FANCB: variants seen among roughly 807,000 people sequenced by gnomAD.
FANCB encodes FA complementation group B, also known as Fanconi anemia group B protein.
Under a neutral mutation model 38.9 loss-of-function variants are expected in FANCB, and 5 were observed. The observed-to-expected ratio is 0.13, with a 90% CI of 0.07 to 0.27. The LOEUF is 0.27. FANCB is among the 10% of genes least tolerant of loss of function. The pLI is 1.00. For missense variants in FANCB, 573 were observed against 602.7 expected, an observed-to-expected ratio of 0.95 and a Z score of 0.52; for synonymous variants, 236 against 215.4, an observed-to-expected ratio of 1.10 and a Z score of -0.84.
chrX:14,700,255 C>T, the FANCB span, among the ~76,000 whole-genome samples: 6 of 110,741 alleles, frequency 5.4e-5, no homozygotes, highest in East Asian at 1.1e-3. Context: ...TAAGATTACC[C>T]AGCAGGAGTG....
the FANCB span, among the ~76,000 whole-genome samples, chrX:14,700,536 A>T: frequency 8.9e-6 from 1 of 111,873 alleles, no homozygotes; most frequent in African/African-American, 3.3e-5. Context: ...AATTCATAGT[A>T]TCTAAAGATG....
chrX:14,794,330 T>C, the FANCB span, among the ~76,000 whole-genome samples: 1 of 111,484 alleles, frequency 9.0e-6, no homozygotes, highest in Admixed American at 9.6e-5. Context: ...GTGGCTGTGA[T>C]GTTGCTATTA....
the FANCB span, among the ~76,000 whole-genome samples, chrX:14,713,009 A>T: frequency 4.5e-5 from 5 of 112,210 alleles, no homozygotes; most frequent in Non-Finnish European, 7.5e-5. Flanking sequence ...CCTTAGGCAG[A>T]TGCCTAAGGA....
chrX:14,706,504 AAATTT>A, the FANCB span, among the ~76,000 whole-genome samples: 1 of 112,399 alleles, frequency 8.9e-6, no homozygotes, highest in African/African-American at 3.2e-5. Context: ...GTTTTGCACT[AAATTT>A]TATTTTTAAT....
chrX:14,728,517 T>C, the FANCB span, among the ~76,000 whole-genome samples: 1 of 112,143 alleles, frequency 8.9e-6, no homozygotes, highest in Non-Finnish European at 1.9e-5. Context: ...TTCCTAGAGA[T>C]CAAATTTACA....
At chrX:14,721,687 T>C in the FANCB span, among the ~76,000 whole-genome samples, 2 of 111,587 alleles carry the variant, frequency 1.8e-5, no homozygotes, top group East Asian at 5.6e-4. Context: ...AGGCCTGTTC[T>C]GATTTGAGGA....
chrX:14,702,982 G>C, the FANCB span, among the ~76,000 whole-genome samples: 1 of 111,327 alleles, frequency 9.0e-6, no homozygotes, highest in African/African-American at 3.3e-5. Flanking sequence ...TGCACAGTGG[G>C]GGAGCCTCTG....
At chrX:14,713,989 G>A in the FANCB span, among the ~76,000 whole-genome samples, 1 of 111,515 alleles carries the variant, frequency 9.0e-6, no homozygotes, top group Non-Finnish European at 1.9e-5. Flanking sequence ...TAATTCTGGT[G>A]GGAATTATCC....
intron 5 of FANCB, 139 bp downstream of exon 5, chrX:14,857,723 A>G: frequency 1.9e-6 from 1 of 515,131 alleles, no homozygotes; most frequent in Non-Finnish European, 3.5e-6. Flanking sequence ...CAGAGGTGCC[A>G]AAAAGATAAA....
At chrX:14,854,081 G>C (rs1162994220) in intron 5 of FANCB, among the ~76,000 whole-genome samples, 1 of 112,095 alleles carries the variant, frequency 8.9e-6, no homozygotes, top group Non-Finnish European at 1.9e-5. Context: ...GGAGAGTGAA[G>C]ACTGAATTAT....
intron 2 of FANCB, among the ~76,000 whole-genome samples, chrX:14,867,115 C>T (rs936083101): frequency 6.3e-5 from 7 of 111,503 alleles, no homozygotes; most frequent in African/African-American, 2.3e-4. Flanking sequence ...ATCCCATGCT[C>T]ATGGATTGGT....
chrX:14,862,061 T>C (rs2092448981), intron 3 of FANCB, among the ~76,000 whole-genome samples: 2 of 112,424 alleles, frequency 1.8e-5, no homozygotes, highest in Non-Finnish European at 3.8e-5. Context: ...CAGTCTGAAA[T>C]GCTGGGATTA....
At chrX:14,817,125 T>C in the FANCB span, among the ~76,000 whole-genome samples, 1 of 111,414 alleles carries the variant, frequency 9.0e-6, no homozygotes, top group Non-Finnish European at 1.9e-5. Flanking sequence ...CCATTATTAT[T>C]ATTAGCCCTC....
the FANCB span, among the ~76,000 whole-genome samples, chrX:14,751,024 G>A: frequency 2.7e-5 from 3 of 111,345 alleles, no homozygotes; most frequent in Non-Finnish European, 5.6e-5. Flanking sequence ...CCCTCAATAA[G>A]AAGATTACTG....
the FANCB span, among the ~76,000 whole-genome samples, chrX:14,742,166 A>G: frequency 3.0e-4 from 34 of 112,049 alleles, no homozygotes; most frequent in African/African-American, 1.0e-3. Context: ...AGTTAAAGTG[A>G]CATGGCCCAT....
chrX:14,726,307 C>T, the FANCB span, among the ~76,000 whole-genome samples: 4 of 112,003 alleles, frequency 3.6e-5, no homozygotes, highest in African/African-American at 9.7e-5. Flanking sequence ...TTTTCAGAAT[C>T]AAAACCATCT....
intron 5 of FANCB, among the ~76,000 whole-genome samples, chrX:14,856,649 C>T (rs2092424265): frequency 9.0e-6 from 1 of 111,536 alleles, no homozygotes; most frequent in Admixed American, 9.5e-5. Flanking sequence ...TAAATATTTA[C>T]CACCTGGCCC....
downstream of FANCB, chrX:14,835,949 G>T (rs893842465): frequency 8.9e-6 from 1 of 111,972 alleles, no homozygotes; most frequent in East Asian, 2.8e-4. Context: ...CTGAAAATAG[G>T]ATCTCAAACA....
chrX:14,693,246 T>C, the FANCB span, among the ~76,000 whole-genome samples: 115 of 111,995 alleles, frequency 1.0e-3, no homozygotes, highest in Middle Eastern at 9.3e-3. Context: ...ACACCTATAA[T>C]ATAAAGATAG....
Sources: allele counts gnomAD v4.1 joint callset (sites outside exome capture counted in the v4.1 genomes callset), GRCh38; gene constraint gnomAD v4.1.1; transcripts MANE v1.5; gene names NCBI Gene and HGNC (gene_info 2026-07-23, HGNC 2026-07-21).